CRACD: variants seen among roughly 807,000 people sequenced by gnomAD.
CRACD encodes the protein capping protein-inhibiting regulator of actin dynamics.
Under a neutral mutation model 106.8 loss-of-function variants are expected in CRACD, and 56 were observed. The ratio of observed to expected loss-of-function variants is 0.52; its 90% CI spans 0.42 to 0.66. CRACD has a LOEUF of 0.66. CRACD is among the 30% of genes least tolerant of loss of function. The pLI, the probability that CRACD is intolerant of heterozygous loss-of-function variation, is 0.00. For missense variants in CRACD, 1,730 were observed against 1,623.2 expected, an observed-to-expected ratio of 1.07 and a Z score of -1.13; for synonymous variants, 754 against 670.8, an observed-to-expected ratio of 1.12 and a Z score of -1.92.
At chr4:56,101,893 G>A (rs1733787061) in intron 1 of CRACD, among the ~76,000 whole-genome samples, 1 of 151,768 alleles carries the variant, frequency 6.6e-6, no homozygotes, top group Non-Finnish European at 1.5e-5. Flanking sequence ...ATTTGTTTAG[G>A]GATTTGTCCT....
At chr4:56,146,570 TC>T (rs1735390030) in intron 1 of CRACD, among the ~76,000 whole-genome samples, 1 of 62,624 alleles carries the variant, frequency 1.6e-5, no homozygotes. Context: ...CCCTCCCCCC[TC>T]CCCCCACCGC....
chr4:56,194,131 G>C (rs1025304082), intron 2 of CRACD, among the ~76,000 whole-genome samples: 1 of 152,156 alleles, frequency 6.6e-6, no homozygotes, highest in African/African-American at 2.4e-5. Flanking sequence ...AAAGGACAAA[G>C]TCACAGGCAA....
intron 4 of CRACD, among the ~76,000 whole-genome samples, chr4:56,303,445 CTTA>C (rs147415888): frequency 0.12 from 18,032 of 151,928 alleles, 1,406 homozygotes; most frequent in African/African-American, 0.22. Flanking sequence ...TAAAGTCTGG[CTTA>C]TCTTAACAGT....
intron 2 of CRACD, among the ~76,000 whole-genome samples, chr4:56,200,605 A>T (rs1737835664): frequency 6.6e-6 from 1 of 152,214 alleles, no homozygotes; most frequent in Non-Finnish European, 1.5e-5. Context: ...TTGTCCTGCT[A>T]TAGCTTTTAT....
At chr4:56,142,302 C>A (rs1235644862) in intron 1 of CRACD, among the ~76,000 whole-genome samples, 1 of 151,876 alleles carries the variant, frequency 6.6e-6, no homozygotes, top group African/African-American at 2.4e-5. Context: ...ATGGTTATGC[C>A]ATAATTTAAT....
intron 2 of CRACD, among the ~76,000 whole-genome samples, chr4:56,221,956 A>G (rs951266539): frequency 1.3e-5 from 2 of 152,230 alleles, no homozygotes; most frequent in African/African-American, 4.8e-5. Flanking sequence ...GTAAATTAGT[A>G]CACCCTCCAT....
At chr4:56,285,192 A>G (rs534959783) in intron 3 of CRACD, among the ~76,000 whole-genome samples, 62 of 152,294 alleles carry the variant, frequency 4.1e-4, no homozygotes, top group Non-Finnish European at 5.9e-4. Flanking sequence ...TCACAAGAAC[A>G]GCATGAGGGA....
intron 1 of CRACD, among the ~76,000 whole-genome samples, chr4:56,104,267 G>A (rs985184334): frequency 3.3e-5 from 5 of 152,050 alleles, no homozygotes; most frequent in Non-Finnish European, 5.9e-5. Context: ...CATGGCATGC[G>A]CCTATAGTCC....
chr4:56,087,399 C>T (rs958104324), intron 1 of CRACD, among the ~76,000 whole-genome samples: 2 of 152,170 alleles, frequency 1.3e-5, no homozygotes, highest in Admixed American at 1.3e-4. Flanking sequence ...GTTGCAGAGA[C>T]ACTGTTGGCC....
intron 2 of CRACD, among the ~76,000 whole-genome samples, chr4:56,185,437 A>T (rs1013488559): frequency 5.3e-5 from 8 of 152,130 alleles, no homozygotes; most frequent in Non-Finnish European, 1.2e-4. Context: ...CCGTTTCTAG[A>T]TACTTTATAT....
chr4:56,226,568 A>G (rs1739315770), intron 2 of CRACD, among the ~76,000 whole-genome samples: 1 of 152,156 alleles, frequency 6.6e-6, no homozygotes, highest in Non-Finnish European at 1.5e-5. Flanking sequence ...CTAAGAGAAA[A>G]TTTGAGAAAT....
At chr4:56,225,260 T>A (rs1739243918) in intron 2 of CRACD, among the ~76,000 whole-genome samples, 2 of 152,114 alleles carry the variant, frequency 1.3e-5, no homozygotes, top group South Asian at 4.2e-4. Context: ...CCTGGCTAAT[T>A]TTTTTGTAGT....
At chr4:56,235,729 G>T (rs934718026) in intron 2 of CRACD, among the ~76,000 whole-genome samples, 3 of 152,242 alleles carry the variant, frequency 2.0e-5, no homozygotes, top group Admixed American at 1.3e-4. Flanking sequence ...CTAAGCAACC[G>T]TACAGGGAAA....
At chr4:56,296,297 T>G (rs1744027315) in intron 3 of CRACD, among the ~76,000 whole-genome samples, 1 of 152,120 alleles carries the variant, frequency 6.6e-6, no homozygotes, top group African/African-American at 2.4e-5. Flanking sequence ...ATGATGGGGA[T>G]TAAATGAGAT....
chr4:56,249,591 A>G (rs1387803724), intron 2 of CRACD, among the ~76,000 whole-genome samples: 1 of 152,194 alleles, frequency 6.6e-6, no homozygotes, highest in Non-Finnish European at 1.5e-5. Context: ...TCTTACCAGA[A>G]TACGAGGCAC....
intron 1 of CRACD, among the ~76,000 whole-genome samples, chr4:56,076,245 G>A (rs543366030): frequency 4.6e-5 from 7 of 152,218 alleles, no homozygotes; most frequent in East Asian, 1.9e-4. Context: ...GAACCCTGCC[G>A]GCACCTTGAT....
intron 2 of CRACD, among the ~76,000 whole-genome samples, chr4:56,257,151 G>A (rs926810278): frequency 9.0e-5 from 13 of 144,972 alleles, no homozygotes; most frequent in East Asian, 6.1e-4. Flanking sequence ...GTGCGATCTC[G>A]GCTCACTGCA....
intron 2 of CRACD, among the ~76,000 whole-genome samples, chr4:56,207,194 A>G (rs1364311976): frequency 6.6e-6 from 1 of 152,246 alleles, no homozygotes; most frequent in African/African-American, 2.4e-5. Flanking sequence ...TCCATGTGCA[A>G]CTATAAGTAT....
chr4:56,101,408 G>A (rs1176061390), intron 1 of CRACD, among the ~76,000 whole-genome samples: 1 of 152,086 alleles, frequency 6.6e-6, no homozygotes, highest in Non-Finnish European at 1.5e-5. Context: ...TTCCCCTAGA[G>A]GAGACTGCTG....
Sources: gnomAD v4.1 joint callset for allele counts (sites outside exome capture counted in the v4.1 genomes callset) on GRCh38, gnomAD v4.1.1 for gene constraint, MANE v1.5 for transcripts, NCBI Gene and HGNC (gene_info 2026-07-23, HGNC 2026-07-21) for gene names.